The following ST18 variants were observed in gnomAD, a reference collection of about 807,000 sequenced individuals.
The protein encoded by ST18 is suppression of tumorigenicity 18 protein.
Under a neutral mutation model 110.0 loss-of-function variants are expected in ST18, and 50 were observed. That is an observed-to-expected ratio of 0.45 (90% confidence interval 0.36 to 0.58). The LOEUF (loss-of-function observed/expected upper bound fraction) is 0.58, where lower values mean the gene tolerates loss of function less well. ST18 is among the 20% of genes least tolerant of loss of function. ST18 has a pLI of 0.00. For synonymous variants in ST18, 461 were observed against 452.4 expected, an observed-to-expected ratio of 1.02 and a Z score of -0.24; for missense variants, 1,306 against 1,280.1, an observed-to-expected ratio of 1.02 and a Z score of -0.31.
chr8:52,223,409 C>T (rs558795066), intron 3 of ST18, among the ~76,000 whole-genome samples: 46 of 152,092 alleles, frequency 3.0e-4, no homozygotes, highest in African/African-American at 8.2e-4. Context: ...TTTGGGAGGC[C>T]GAGGCGGGTG....
intron 2 of ST18, among the ~76,000 whole-genome samples, chr8:52,235,321 C>T (rs2092455295): frequency 6.6e-6 from 1 of 152,134 alleles, no homozygotes; most frequent in South Asian, 2.1e-4. Context: ...ACGCCTGCTC[C>T]TATGGTAGCC....
intron 23 of ST18, among the ~76,000 whole-genome samples, chr8:52,119,652 A>G (rs2043918292): frequency 2.0e-5 from 3 of 152,348 alleles, no homozygotes; most frequent in Middle Eastern, 6.8e-3. Flanking sequence ...CATAAGGTGT[A>G]CACAGCAGTG....
intron 2 of ST18, among the ~76,000 whole-genome samples, chr8:52,334,251 A>G (rs1811002231): frequency 6.6e-6 from 1 of 152,240 alleles, no homozygotes; most frequent in South Asian, 2.1e-4. Flanking sequence ...AGACATAAAT[A>G]AACAAATTTT....
chr8:52,130,631 T>C (rs1408663256), intron 22 of ST18, among the ~76,000 whole-genome samples: 1 of 152,228 alleles, frequency 6.6e-6, no homozygotes, highest in Non-Finnish European at 1.5e-5. Context: ...GTTTTCAAAT[T>C]GACTCTTTAA....
At chr8:52,363,459 T>C (rs755115782) in intron 2 of ST18, among the ~76,000 whole-genome samples, 36 of 152,346 alleles carry the variant, frequency 2.4e-4, no homozygotes, top group South Asian at 1.0e-3. Flanking sequence ...GTTTCTATCA[T>C]GGGCTCGGTG....
At chr8:52,384,748 T>G (rs925468334) in intron 2 of ST18, among the ~76,000 whole-genome samples, 10 of 151,822 alleles carry the variant, frequency 6.6e-5, no homozygotes, top group Non-Finnish European at 1.3e-4. Flanking sequence ...TTGCTTTCAC[T>G]TTACTTTTAT....
chr8:52,252,513 A>C (rs2094359653), intron 2 of ST18, among the ~76,000 whole-genome samples: 1 of 151,984 alleles, frequency 6.6e-6, no homozygotes, highest in African/African-American at 2.4e-5. Context: ...TCTAAAAAAA[A>C]AAACTCCTTT....
In ST18 at chr8:52,304,571, A is replaced by T. The variant is rs190037546; in HGVS notation, c.-464-74494T>A. Among the ~76,000 whole-genome samples the T allele has an allele frequency of 1.1e-4, 16 of 152,372 alleles. No homozygotes were observed. In the East Asian group the frequency reaches 2.7e-3, roughly 26 times the overall value. On this transcript the variant is annotated intron_variant, in intron 2 of 25. Transcript: ENST00000689386. ...GAAGCTCATTAAAATGATGTTTATC[A>T]TATCAAAACTTACAAACAAGTTAAA...
rs1480080401 is a variant in ST18 at position 52,355,523 on chromosome 8, AGGTG to A, written c.-465+53801_-465+53804del. Among the ~76,000 whole-genome samples the A allele has an allele frequency of 2.6e-5, 4 of 152,370 alleles. No homozygotes were observed. In the East Asian group the frequency reaches 7.7e-4, roughly 29 times the overall value. ...CATAAAGCTCGGTTCAAAATGACAG[AGGTG>A]GGAACTCTAGGGCTCTATTCATCCA... On this transcript the variant is annotated intron_variant, in intron 2 of 25. Transcript: ENST00000689386.
intron 3 of ST18, among the ~76,000 whole-genome samples, chr8:52,228,406 C>T (rs6995508): frequency 0.22 from 34,002 of 152,104 alleles, 4,281 homozygotes; most frequent in African/African-American, 0.33. Context: ...TTCTCACTTA[C>T]ATTTTCCAGA....
intron 2 of ST18, among the ~76,000 whole-genome samples, chr8:52,401,912 C>T (rs1188391065): frequency 6.6e-6 from 1 of 152,106 alleles, no homozygotes. Flanking sequence ...GGAACAGTTG[C>T]CTCTTCTAAT....
At chr8:52,406,731 T>C (rs1844648821) in intron 2 of ST18, 1 of 152,198 alleles carries the variant, frequency 6.6e-6, no homozygotes, top group Non-Finnish European at 1.5e-5. Flanking sequence ...GTTTTTCCTT[T>C]TGCTACACAC....
intron 10 of ST18, among the ~76,000 whole-genome samples, chr8:52,170,471 T>TAAAC (rs1466627276): frequency 6.6e-6 from 1 of 150,520 alleles, no homozygotes; most frequent in Non-Finnish European, 1.5e-5. Flanking sequence ...AATAAATAAA[T>TAAAC]AAATAAATAA....
intron 16 of ST18, among the ~76,000 whole-genome samples, chr8:52,144,517 CAATT>C (rs2056522054): frequency 6.6e-6 from 1 of 152,072 alleles, no homozygotes; most frequent in Non-Finnish European, 1.5e-5. Context: ...ACTTGGCTAA[CAATT>C]CAATCAATTA....
chr8:52,238,684 A>C (rs1302684132), intron 2 of ST18, among the ~76,000 whole-genome samples: 1 of 152,142 alleles, frequency 6.6e-6, no homozygotes, highest in Non-Finnish European at 1.5e-5. Flanking sequence ...TCAACCATAG[A>C]AAAGAATGAA....
At chr8:52,367,236 T>A (rs7464174) in intron 2 of ST18, among the ~76,000 whole-genome samples, 94,488 of 120,292 alleles carry the variant, frequency 0.79, 39,314 homozygotes, top group Non-Finnish European at 0.92. Context: ...GGACCCTGTC[T>A]CACACACACA....
chr8:52,237,200 T>C (rs1279672692), intron 2 of ST18, among the ~76,000 whole-genome samples: 1 of 152,216 alleles, frequency 6.6e-6, no homozygotes, highest in Non-Finnish European at 1.5e-5. Flanking sequence ...CCCAGAGGTA[T>C]GTGGTCCACA....
chr8:52,359,061 A>G (rs938314077), intron 2 of ST18, among the ~76,000 whole-genome samples: 1 of 152,028 alleles, frequency 6.6e-6, no homozygotes, highest in Non-Finnish European at 1.5e-5. Flanking sequence ...GGAATGCAAA[A>G]AATGGCTCAA....
chr8:52,319,549 T>C (rs889618648), intron 2 of ST18, among the ~76,000 whole-genome samples: 1 of 152,236 alleles, frequency 6.6e-6, no homozygotes, highest in East Asian at 1.9e-4. Flanking sequence ...TTTTTAACAA[T>C]TTTCTTTTAC....
Sources: gnomAD v4.1 joint callset for allele counts (sites outside exome capture counted in the v4.1 genomes callset) on GRCh38, gnomAD v4.1.1 for gene constraint, MANE v1.5 for transcripts, NCBI Gene and HGNC (gene_info 2026-07-23, HGNC 2026-07-21) for gene names.